The following ABCB1 variants were observed in gnomAD, a reference collection of about 807,000 sequenced individuals.
ABCB1 encodes the protein ATP-dependent translocase ABCB1.
Under a neutral mutation model 142.0 loss-of-function variants are expected in ABCB1, and 69 were observed. The observed-to-expected ratio is 0.49, with a 90% CI of 0.40 to 0.59. The LOEUF (loss-of-function observed/expected upper bound fraction) is 0.59. ABCB1 is among the 20% of genes least tolerant of loss of function. ABCB1 has a pLI of 0.00. For synonymous variants in ABCB1, 532 were observed against 539.2 expected (o/e 0.99, Z 0.18); for missense variants, 1,326 against 1,554.7 (o/e 0.85, Z 2.47).
At chr7:87,654,046 A>AT (rs1371992718) in intron 1 of ABCB1, among the ~76,000 whole-genome samples, 2 of 151,850 alleles carry the variant, frequency 1.3e-5, no homozygotes, top group African/African-American at 2.4e-5. Context: ...TAAATGCAGT[A>AT]TTTTTTTTCT....
intron 17 of ABCB1, among the ~76,000 whole-genome samples, chr7:87,542,658 C>CTTTTTTTTT (rs71649831): frequency 6.8e-6 from 1 of 146,464 alleles, no homozygotes; most frequent in Non-Finnish European, 1.5e-5. Context: ...TAACCATTTC[C>CTTTTTTTTT]TTTTTTTTTT....
At chr7:87,540,389 G>C (rs1478820790) in intron 18 of ABCB1, among the ~76,000 whole-genome samples, 1 of 152,158 alleles carries the variant, frequency 6.6e-6, no homozygotes, top group Non-Finnish European at 1.5e-5. Flanking sequence ...CAGGTACAAG[G>C]AGCACTTGAA....
Position 87,553,942 on chromosome 7 carries a change from A to G in ABCB1, c.828-10T>C. 1.2e-6 allele frequency: 2 copies of G among 1,605,566 alleles called. No individual in the cohort carries two copies. The highest frequency in any genetic ancestry group is 1.7e-6 in the Non-Finnish European group (2 of 1,172,300). On this transcript the variant is annotated splice_polypyrimidine_tract_variant and intron_variant, in intron 8 of 27. Coordinates refer to ENST00000622132, the MANE Select transcript of ABCB1 (RefSeq NM_001348946.2). Reference sequence around the variant, plus strand: ...TAAATTTTTGTTGTACCTGAGAAAAAGAACAAAAATGATCACATATACATT... The same window carrying G: ...TAAATTTTTGTTGTACCTGAGAAAAGGAACAAAAATGATCACATATACATT...
chr7:87,608,218 A>G (rs1819726515), intron 1 of ABCB1, among the ~76,000 whole-genome samples: 1 of 152,204 alleles, frequency 6.6e-6, no homozygotes, highest in Non-Finnish European at 1.5e-5. Flanking sequence ...GTCATTTGAC[A>G]TTGGAAAATT....
intron 1 of ABCB1, among the ~76,000 whole-genome samples, chr7:87,708,767 C>G (rs1829821680): frequency 6.6e-6 from 1 of 151,996 alleles, no homozygotes; most frequent in Non-Finnish European, 1.5e-5. Context: ...TTCTTCTCTT[C>G]TAATTGTGTC....
intron 1 of ABCB1, chr7:87,628,930 T>G: frequency 7.6e-7 from 1 of 1,310,036 alleles, no homozygotes; most frequent in Non-Finnish European, 9.8e-7. Context: ...AGGAGGAACC[T>G]GATCACCGTG....
At chr7:87,703,885 CTTTTTTTTTTTTTTTTTTTT>C in intron 1 of ABCB1, among the ~76,000 whole-genome samples, 2 of 60,282 alleles carry the variant, frequency 3.3e-5, no homozygotes, top group Non-Finnish European at 6.3e-5. Context: ...TCAGTTTTTT[CTTTTTTTTTTTTTTTTTTTT>C]TTTTTTTGGT....
At chr7:87,676,196 C>A (rs185141393) in intron 1 of ABCB1, among the ~76,000 whole-genome samples, 61 of 152,190 alleles carry the variant, frequency 4.0e-4, no homozygotes, top group Admixed American at 7.2e-4. Flanking sequence ...CACTATATTC[C>A]AGGCTGGGTG....
At chr7:87,663,898 T>C (rs1349940982) in intron 1 of ABCB1, among the ~76,000 whole-genome samples, 1 of 152,244 alleles carries the variant, frequency 6.6e-6, no homozygotes. Context: ...GAATGAGAGC[T>C]CTCTGGTGAC....
intron 20 of ABCB1, among the ~76,000 whole-genome samples, chr7:87,532,505 C>A (rs527395719): frequency 6.6e-6 from 1 of 152,170 alleles, no homozygotes; most frequent in Admixed American, 6.6e-5. Flanking sequence ...GCTCATTATA[C>A]GCTAATTATA....
intron 8 of ABCB1, among the ~76,000 whole-genome samples, chr7:87,559,910 C>T (rs1817483866): frequency 6.6e-6 from 1 of 152,156 alleles, no homozygotes; most frequent in Non-Finnish European, 1.5e-5. Context: ...TCCACCTTTT[C>T]TCTGAGGAAA....
chr7:87,526,988 A>AT (rs112365889), intron 21 of ABCB1, among the ~76,000 whole-genome samples: 145 of 149,190 alleles, frequency 9.7e-4, no homozygotes, highest in South Asian at 8.3e-3. Context: ...CCTTTGTGGC[A>AT]TTTTTTTTTT....
intron 1 of ABCB1, among the ~76,000 whole-genome samples, chr7:87,673,181 T>C (rs1826001836): frequency 6.6e-6 from 1 of 152,242 alleles, no homozygotes; most frequent in African/African-American, 2.4e-5. Context: ...GCAAATCTAA[T>C]GACTATATAT....
At chr7:87,562,921 A>G (rs1385241651) in intron 7 of ABCB1, among the ~76,000 whole-genome samples, 1 of 152,182 alleles carries the variant, frequency 6.6e-6, no homozygotes, top group Non-Finnish European at 1.5e-5. Context: ...CAACACATAG[A>G]AACCCCATCT....
chr7:87,550,641 T>C, intron 10 of ABCB1, 63 bp from the exon 11 acceptor site: 2 of 1,574,862 alleles, frequency 1.3e-6, no homozygotes, highest in Non-Finnish European at 1.7e-6. Context: ...TGATATTTTG[T>C]GGAGAGCTGG....
chr7:87,640,637 G>A (rs1438272111), intron 1 of ABCB1, among the ~76,000 whole-genome samples: 1 of 152,134 alleles, frequency 6.6e-6, no homozygotes, highest in Non-Finnish European at 1.5e-5. Context: ...GAGCCACCAC[G>A]TGTGTCTCCA....
At chr7:87,709,139 A>G (rs1192028354) in intron 1 of ABCB1, 2 of 385,214 alleles carry the variant, frequency 5.2e-6, no homozygotes, top group African/African-American at 4.4e-5. Context: ...GATTCCATAC[A>G]CATTCAAATA....
chr7:87,569,703 TG>T (rs796264139), intron 5 of ABCB1, among the ~76,000 whole-genome samples: 45 of 152,046 alleles, frequency 3.0e-4, no homozygotes, highest in African/African-American at 1.0e-3. Context: ...TGGGGGGGTG[TG>T]GGGGACAGGG....
At chr7:87,524,984 T>G in intron 21 of ABCB1, among the ~76,000 whole-genome samples, 1 of 152,132 alleles carries the variant, frequency 6.6e-6, no homozygotes, top group Admixed American at 6.6e-5. Flanking sequence ...TGTCATTGCT[T>G]TTTAGTGTGT....
Sources: allele counts gnomAD v4.1 joint callset (sites outside exome capture counted in the v4.1 genomes callset), GRCh38; gene constraint gnomAD v4.1.1; transcripts MANE v1.5; gene names NCBI Gene and HGNC (gene_info 2026-07-23, HGNC 2026-07-21).